MLLT1: variants seen among roughly 807,000 people sequenced by gnomAD.
MLLT1 encodes protein ENL.
In MLLT1, 11 loss-of-function variants were observed where a neutral mutation model predicts 55.1. That is an observed-to-expected ratio of 0.20 (90% CI 0.13 to 0.33). The LOEUF is 0.33. Ranked by LOEUF, MLLT1 falls within the 10% of genes least tolerant of loss-of-function variation. The probability of loss-of-function intolerance (pLI) is 1.00; values close to 1 mark genes in which losing one functional copy is unlikely to be tolerated. For missense variants in MLLT1, 536 were observed against 760.6 expected, an observed-to-expected ratio of 0.70 and a Z score of 3.47; for synonymous variants, 323 against 320.1, an observed-to-expected ratio of 1.01 and a Z score of -0.10.
intron 3 of MLLT1, among the ~76,000 whole-genome samples, chr19:6,248,986 A>ATT (rs2091192599): frequency 1.3e-5 from 2 of 152,298 alleles, no homozygotes; most frequent in Non-Finnish European, 2.9e-5. Context: ...AGTAACGAAG[A>ATT]TTTTTATGCG....
chr19:6,217,349 G>C (rs929612915), intron 7 of MLLT1, among the ~76,000 whole-genome samples: 2 of 152,214 alleles, frequency 1.3e-5, no homozygotes, highest in African/African-American at 4.8e-5. Flanking sequence ...CTGGGAGTGG[G>C]TGCTGGGGTC....
chr19:6,211,475 A>G lies in MLLT1; in HGVS notation c.*1567T>C, dbSNP rs903785435. The G allele has an allele frequency of 2.0e-5, 9 of 439,288 alleles. No homozygotes were observed. Among genetic ancestry groups the G allele is most frequent in the African/African-American group, 1.8e-4 (9 of 49,036 alleles). The allele number at this position is 439,288 out of a possible 1,614,324, so 27.2% of individuals were successfully genotyped here. ...CAAGGAGTGTTCAGGATCTGCTGAC[A>G]GAATCAGAGCAGGGACAAGATGAGG... On this transcript the variant is annotated 3_prime_UTR_variant, in exon 12 of 12. Coordinates refer to ENST00000252674, the MANE Select transcript of MLLT1 (RefSeq NM_005934.4). The surrounding 1 kb of genome is among the most constrained non-coding windows in gnomAD (Gnocchi z 4.6).
chr19:6,225,332 TCTCTGGGCTCAGGGAGCC>T (rs2090945313), intron 5 of MLLT1, among the ~76,000 whole-genome samples: 1 of 152,252 alleles, frequency 6.6e-6, no homozygotes, highest in East Asian at 1.9e-4. Context: ...CTATCCCATC[TCTCTGGGCTCAGGGAGCC>T]CTGCTGAGGC....
In MLLT1 at chr19:6,210,770, C is replaced by T. The variant is rs758505268; in HGVS notation, c.*2272G>A. Reference sequence around the variant, plus strand: ...TCCCCAGAGCCCTCGTGGGCCCAGCCGCCGGGCAGCTGGGGTGGGGTGGGA... The same window carrying T: ...TCCCCAGAGCCCTCGTGGGCCCAGCTGCCGGGCAGCTGGGGTGGGGTGGGA... On this transcript the variant is annotated 3_prime_UTR_variant, in exon 12 of 12. Coordinates refer to ENST00000252674, the MANE Select transcript of MLLT1 (RefSeq NM_005934.4). The surrounding 1 kb of genome is among the most constrained non-coding windows in gnomAD (Gnocchi z 4.6). The T allele has an allele frequency of 1.7e-4, 38 of 229,592 alleles. No individual in the cohort carries two copies. Among genetic ancestry groups the T allele is most frequent in the Non-Finnish European group, 3.0e-4 (35 of 115,886 alleles). 14.2% of individuals were successfully genotyped at this position (229,592 alleles called of 1,614,324 possible). A position where few individuals can be genotyped will look rare whatever the true frequency, so the allele number is the denominator to read the frequency against.
At position 6,248,572 on chromosome 19, in the gene MLLT1, G is replaced by A. The variant is rs574907288; in HGVS notation, c.276+13656C>T. Among the ~76,000 whole-genome samples, 28 of 152,286 alleles carry A rather than the reference G, an allele frequency of 1.8e-4. No homozygotes were observed. In the East Asian group the frequency reaches 5.0e-3, roughly 27 times the overall value. ...TCTTCTTATGGAACTCTATAGCCAC[G>A]GACTAGCCATGAGAAAACGGCAAGT... On this transcript the variant is annotated intron_variant, in intron 3 of 11. Coordinates refer to ENST00000252674, the MANE Select transcript of MLLT1 (RefSeq NM_005934.4).
At chr19:6,223,195 C>T (rs1257933097) in intron 5 of MLLT1, among the ~76,000 whole-genome samples, 3 of 152,134 alleles carry the variant, frequency 2.0e-5, no homozygotes, top group African/African-American at 4.8e-5. Flanking sequence ...TGAGCCCCGT[C>T]GGCCCCTCTC....
At chr19:6,233,071 G>A (rs527636608) in intron 3 of MLLT1, among the ~76,000 whole-genome samples, 4 of 152,268 alleles carry the variant, frequency 2.6e-5, no homozygotes, top group East Asian at 1.9e-4. Flanking sequence ...GCCTAAGCTC[G>A]CAGGTGTACG....
chr19:6,267,823 T>G (rs1204200302), intron 2 of MLLT1, among the ~76,000 whole-genome samples: 1 of 152,104 alleles, frequency 6.6e-6, no homozygotes, highest in Non-Finnish European at 1.5e-5. Flanking sequence ...AAAAGAGGGG[T>G]GCAGCAGGGT....
At chr19:6,218,902 G>A (rs1052136077) in intron 6 of MLLT1, among the ~76,000 whole-genome samples, 1 of 152,178 alleles carries the variant, frequency 6.6e-6, no homozygotes, top group African/African-American at 2.4e-5. Context: ...TCACCTTGGG[G>A]GCCCGTCTGG....
At chr19:6,261,815 T>G (rs2091308423) in intron 3 of MLLT1, among the ~76,000 whole-genome samples, 1 of 152,210 alleles carries the variant, frequency 6.6e-6, no homozygotes, top group Non-Finnish European at 1.5e-5. Context: ...TCAAAGATTC[T>G]GCCCAGAAGA....
rs1228653599 is a variant in MLLT1 at position 6,222,361 on chromosome 19, G to A, written c.870C>T (p.Ala290=). 7 of 1,404,238 alleles carry A rather than the reference G, an allele frequency of 5.0e-6. No individual in the cohort carries two copies. Among genetic ancestry groups the A allele is most frequent in the South Asian group, 2.7e-5 (2 of 73,668 alleles). The allele number at this position is 1,404,238 out of a possible 1,614,324, so 87.0% of individuals were successfully genotyped here. ...PRASSKRPAT[A]DSPKPSAKKQ... is the part of the protein sequence containing the mutation. ...TCTTGGCGCTGGGCTTTGGCGAGTC[G>A]GCGGTGGCCGGCCGCTTGCTGGAAG... Residue 290 remains alanine, a synonymous_variant, in exon 6 of 12, where the codon GCC becomes GCT. Coordinates refer to ENST00000252674, the MANE Select transcript of MLLT1 (RefSeq NM_005934.4). The surrounding 1 kb of genome is among the most constrained non-coding windows in gnomAD (Gnocchi z 4.1).
At chr19:6,238,692 C>A (rs2091085300) in intron 3 of MLLT1, among the ~76,000 whole-genome samples, 1 of 152,238 alleles carries the variant, frequency 6.6e-6, no homozygotes, top group South Asian at 2.1e-4. Flanking sequence ...GGGAACCAGG[C>A]AAGTCCCCGC....
intron 3 of MLLT1, chr19:6,259,799 TAAAAAAAAA>T (rs60832951): frequency 2.9e-5 from 2 of 70,138 alleles, no homozygotes; most frequent in Admixed American, 3.2e-4. Flanking sequence ...AAACATGACT[TAAAAAAAAA>T]AAAAAAAAAA....
chr19:6,272,023 CT>C (rs966299372), intron 1 of MLLT1, among the ~76,000 whole-genome samples: 1 of 152,256 alleles, frequency 6.6e-6, no homozygotes. Flanking sequence ...CTCCGTCCCC[CT>C]CTGAGCTCTC....
At chr19:6,263,829 C>T (rs1001588354) in intron 2 of MLLT1, among the ~76,000 whole-genome samples, 5 of 152,014 alleles carry the variant, frequency 3.3e-5, no homozygotes, top group Admixed American at 2.0e-4. Context: ...GCCATGGGGG[C>T]GCCGCAGGGC....
In MLLT1 at chr19:6,219,793, C is replaced by T. The variant is rs114099198; in HGVS notation, c.1111-1752G>A. Among the ~76,000 whole-genome samples, 1,875 of 152,338 alleles carry T rather than the reference C, an allele frequency of 0.012. 41 individuals are homozygous for T. The highest frequency in any genetic ancestry group is 0.043 in the African/African-American group (1,787 of 41,570). On this transcript the variant is annotated intron_variant, in intron 6 of 11. Coordinates refer to ENST00000252674, the MANE Select transcript of MLLT1 (RefSeq NM_005934.4). The surrounding 1 kb of genome is among the most constrained non-coding windows in gnomAD (Gnocchi z 4.5). The stretch of plus-strand genomic sequence containing the variant: ...TGCACAAGGTCAGCAGGGATGGAAG[C>T]AGAGAGGATGCTGAGCCCCGAGAGG...
intron 8 of MLLT1, among the ~76,000 whole-genome samples, chr19:6,214,696 G>A (rs147668501): frequency 9.2e-5 from 14 of 152,148 alleles, no homozygotes; most frequent in African/African-American, 2.7e-4. Context: ...CTCACTCTGC[G>A]TGCCTGGGGT....
At chr19:6,223,327 C>T (rs2090922565) in intron 5 of MLLT1, among the ~76,000 whole-genome samples, 2 of 152,204 alleles carry the variant, frequency 1.3e-5, no homozygotes, top group African/African-American at 4.8e-5. Flanking sequence ...TCCCGGGCTT[C>T]TCAGAAGGGA....
At position 6,270,770 on chromosome 19, in the gene MLLT1, G is replaced by A. The variant is rs748707009; in HGVS notation, c.13-11C>T. Reference sequence around the variant, plus strand: ...CACCTGGACGGTGCACTGGAGGAGAGAGAGGTGGGGAGATGAAGTCAGCAC... The same window carrying A: ...CACCTGGACGGTGCACTGGAGGAGAAAGAGGTGGGGAGATGAAGTCAGCAC... On this transcript the variant is annotated splice_polypyrimidine_tract_variant and intron_variant, in intron 1 of 11. Coordinates refer to ENST00000252674, the MANE Select transcript of MLLT1 (RefSeq NM_005934.4). This position sits in a 1 kb window ranked among gnomAD's most constrained non-coding sequence, Gnocchi z 7.1. 4.4e-6 allele frequency: 7 copies of A among 1,590,188 alleles called. No homozygotes were observed. In the South Asian group the frequency reaches 6.7e-5, roughly 15 times the overall value.
Sources: gnomAD v4.1 joint callset for allele counts (sites outside exome capture counted in the v4.1 genomes callset) on GRCh38, gnomAD v4.1.1 for gene constraint, Gnocchi (gnomAD v3.1) non-coding constraint, MANE v1.5 for transcripts, NCBI Gene and HGNC (gene_info 2026-07-23, HGNC 2026-07-21) for gene names.